TPRG1: variants seen among roughly 807,000 people sequenced by gnomAD.
TPRG1 encodes tumor protein p63 regulated 1, also known as tumor protein p63-regulated gene 1 protein.
A neutral mutation model predicts 29.3 loss-of-function variants in TPRG1; 29 were observed. The observed-to-expected ratio is 0.99, with a 90% CI of 0.74 to 1.35. TPRG1 has a LOEUF of 1.35. Among genes scored for constraint, TPRG1 ranks in the 40% most tolerant of loss-of-function variants. TPRG1 has a pLI of 0.00. For synonymous variants in TPRG1, 130 were observed against 116.8 expected (o/e 1.11, Z -0.73); for missense variants, 327 against 335.0 (o/e 0.98, Z 0.19).
chr3:189,059,928 A>T (rs1356036901), intron 4 of TPRG1, among the ~76,000 whole-genome samples: 1 of 152,120 alleles, frequency 6.6e-6, no homozygotes, highest in Admixed American at 6.5e-5. Flanking sequence ...AAAATTCAAC[A>T]TTCCTTCATG....
chr3:189,105,612 A>C (rs1719727348), intron 1 of TPRG1, among the ~76,000 whole-genome samples: 1 of 151,982 alleles, frequency 6.6e-6, no homozygotes, highest in Non-Finnish European at 1.5e-5. Flanking sequence ...TTCTATCCCC[A>C]ACAACCTTGG....
At chr3:189,083,900 A>C (rs1462661919) in intron 4 of TPRG1, among the ~76,000 whole-genome samples, 1 of 152,226 alleles carries the variant, frequency 6.6e-6, no homozygotes, top group Admixed American at 6.5e-5. Context: ...AAAATGGGTC[A>C]GGCATGGTGG....
intron 4 of TPRG1, among the ~76,000 whole-genome samples, chr3:189,269,181 A>G (rs1244831344): frequency 6.6e-6 from 1 of 152,140 alleles, no homozygotes; most frequent in Non-Finnish European, 1.5e-5. Flanking sequence ...ACATAAGCAG[A>G]AAAGACTATC....
At chr3:189,196,006 G>A (rs543700624) in intron 1 of TPRG1, among the ~76,000 whole-genome samples, 24 of 152,216 alleles carry the variant, frequency 1.6e-4, no homozygotes, top group South Asian at 4.2e-4. Context: ...GCTTCTAGCC[G>A]GCCATCTTGC....
At chr3:189,178,393 G>T (rs578254813) in intron 1 of TPRG1, among the ~76,000 whole-genome samples, 1 of 152,270 alleles carries the variant, frequency 6.6e-6, no homozygotes, top group East Asian at 1.9e-4. Context: ...GCTAGGCATG[G>T]TGATGCGCAT....
chr3:189,238,300 GT>G (rs1407150400), intron 3 of TPRG1, among the ~76,000 whole-genome samples: 1 of 152,210 alleles, frequency 6.6e-6, no homozygotes, highest in Non-Finnish European at 1.5e-5. Flanking sequence ...GGAAATTAGT[GT>G]AGGCTAGTTC....
intron 3 of TPRG1, among the ~76,000 whole-genome samples, chr3:189,221,754 C>T (rs1225569905): frequency 1.3e-5 from 2 of 152,142 alleles, no homozygotes; most frequent in Admixed American, 6.5e-5. Flanking sequence ...TGTGTGTGGT[C>T]GCTTTCACAC....
At chr3:189,060,810 G>A (rs745854803) in intron 4 of TPRG1, among the ~76,000 whole-genome samples, 9 of 152,042 alleles carry the variant, frequency 5.9e-5, no homozygotes, top group Admixed American at 3.3e-4. Context: ...CAAACATATG[G>A]AAAATCATCC....
rs1221962471 is a variant in TPRG1, at chr3:189,320,734, A to G, written c.742A>G (p.Ile248Val). The change falls in exon 6 of 6, where the codon ATT becomes GTT. Residue 248 changes from isoleucine to valine, a missense_variant. By Grantham distance (29) the Ile-to-Val change is conservative. Transcript: ENST00000345063. ...GATGGTGTTAACTGAACCCATTTTG[A>G]TTGAGACCTACACAGGGCTGATGTC... ...KLMVLTEPIL[I>V]ETYTGLMSFI... 1.2e-6 allele frequency: 2 copies of G among 1,610,990 alleles called. No homozygotes were observed. Among genetic ancestry groups the G allele is most frequent in the East Asian group, 2.2e-5 (1 of 44,690 alleles).
At chr3:189,214,270 T>C (rs1735701090) in intron 2 of TPRG1, among the ~76,000 whole-genome samples, 1 of 152,244 alleles carries the variant, frequency 6.6e-6, no homozygotes, top group South Asian at 2.1e-4. Context: ...CTGAAAAATA[T>C]TAGTCTCACT....
At chr3:189,004,678 C>T (rs1712196055) in exon 3 of TPRG1, 1 of 152,114 alleles carries the variant, frequency 6.6e-6, no homozygotes. Flanking sequence ...CTTTTTGAGA[C>T]AGCTGGAAAA....
intron 4 of TPRG1, among the ~76,000 whole-genome samples, chr3:189,265,809 G>A (rs1284218929): frequency 2.0e-5 from 3 of 152,196 alleles, no homozygotes; most frequent in African/African-American, 7.2e-5. Context: ...GCAGAGTGGG[G>A]AGCGGGAAGG....
chr3:189,155,312 CT>C (rs1726520274), intron 5 of TPRG1, among the ~76,000 whole-genome samples: 1 of 152,106 alleles, frequency 6.6e-6, no homozygotes, highest in Non-Finnish European at 1.5e-5. Flanking sequence ...ATAATAGAGT[CT>C]GGGATTAGGG....
At chr3:189,280,786 A>T (rs1716998643) in intron 4 of TPRG1, among the ~76,000 whole-genome samples, 1 of 152,206 alleles carries the variant, frequency 6.6e-6, no homozygotes, top group Admixed American at 6.5e-5. Flanking sequence ...TATATGAATG[A>T]TACTATCTGC....
intron 3 of TPRG1, among the ~76,000 whole-genome samples, chr3:189,138,531 T>C (rs1724078092): frequency 6.6e-6 from 1 of 152,072 alleles, no homozygotes; most frequent in Non-Finnish European, 1.5e-5. Context: ...GGTTTTCTCC[T>C]CCCCTTAGTT....
intron 4 of TPRG1, among the ~76,000 whole-genome samples, chr3:189,068,859 A>G (rs897552668): frequency 6.6e-5 from 10 of 152,144 alleles, no homozygotes; most frequent in African/African-American, 2.4e-4. Flanking sequence ...AACAACGTGG[A>G]GAGAACTGGA....
chr3:189,243,923 G>A (rs1740995276), intron 4 of TPRG1, among the ~76,000 whole-genome samples: 2 of 152,138 alleles, frequency 1.3e-5, no homozygotes, highest in Admixed American at 1.3e-4. Context: ...TAACCACTCA[G>A]CCAGTCTCTA....
chr3:189,100,585 T>C lies in TPRG1; in HGVS notation c.-744+381T>C, dbSNP rs180959519. 1.8e-3 allele frequency among the ~76,000 whole-genome samples: 273 copies of C among 152,326 alleles called. 1 individual carries two copies. Among genetic ancestry groups the C allele is most frequent in the African/African-American group, 6.4e-3 (268 of 41,570 alleles). On this transcript the variant is annotated intron_variant, in intron 1 of 6. Coordinates refer to the TPRG1 transcript ENST00000412373. ...TCTTCCATTGCAAAATGTATTACTTTTGCAAATAGTAACTCGTTTGCTCTC... is the reference window on the plus strand; with the variant it reads ...TCTTCCATTGCAAAATGTATTACTTCTGCAAATAGTAACTCGTTTGCTCTC...
chr3:189,045,500 A>G (rs913369924), intron 4 of TPRG1, among the ~76,000 whole-genome samples: 9 of 152,238 alleles, frequency 5.9e-5, no homozygotes, highest in African/African-American at 1.9e-4. Context: ...GATGCTATCA[A>G]TTATTAGCAG....
Sources: gnomAD v4.1 joint callset for allele counts (sites outside exome capture counted in the v4.1 genomes callset) on GRCh38, gnomAD v4.1.1 for gene constraint, MANE v1.5 for transcripts, NCBI Gene and HGNC (gene_info 2026-07-23, HGNC 2026-07-21) for gene names.